The following ATP2B2 variants were observed in gnomAD, a reference collection of about 807,000 sequenced individuals.
The protein encoded by ATP2B2 is ATPase plasma membrane Ca2+ transporting 2.
A neutral mutation model predicts 120.0 loss-of-function variants in ATP2B2; 15 were observed. The observed-to-expected ratio is 0.12, with a 90% confidence interval of 0.08 to 0.19. The LOEUF is 0.19. Ranked by LOEUF, ATP2B2 falls within the 10% of genes least tolerant of loss-of-function variation. ATP2B2 has a pLI of 1.00. For synonymous variants in ATP2B2, 694 were observed against 700.3 expected (o/e 0.99, Z 0.14); for missense variants, 1,045 against 1,719.8 (o/e 0.61, Z 6.94).
At chr3:10,458,812 G>A (rs541512231) in intron 1 of ATP2B2, among the ~76,000 whole-genome samples, 2 of 152,352 alleles carry the variant, frequency 1.3e-5, no homozygotes, top group Non-Finnish European at 2.9e-5. Flanking sequence ...GGCCATATGG[G>A]TAGGACTTGG....
At position 10,343,333 on chromosome 3, in the gene ATP2B2, T is replaced by C. The variant is rs2060335612; in HGVS notation, c.2704-368A>G. On this transcript the variant is annotated intron_variant, in intron 18 of 22. Transcript: ENST00000360273. This position sits in a 1 kb window ranked among gnomAD's most constrained non-coding sequence, Gnocchi z 4.2. Reference sequence around the variant, plus strand: ...CATTCCCACCGCCTCCGGCATGGGCTCCTACCTCCTCCCCCCACTGCCTCC... The same window carrying C: ...CATTCCCACCGCCTCCGGCATGGGCCCCTACCTCCTCCCCCCACTGCCTCC... 6.6e-6 allele frequency among the ~76,000 whole-genome samples: 1 copy of C among 151,162 alleles called. No individual in the cohort carries two copies. Among genetic ancestry groups the C allele is most frequent in the South Asian group, 2.1e-4 (1 of 4,780 alleles).
intron 1 of ATP2B2, among the ~76,000 whole-genome samples, chr3:10,665,428 C>T (rs1178088518): frequency 5.9e-5 from 9 of 152,148 alleles, no homozygotes; most frequent in Admixed American, 5.9e-4. Flanking sequence ...CCTCCCACAG[C>T]TCTGTGCACG....
Position 10,402,936 on chromosome 3 carries a change from CT to C in ATP2B2, c.398-589del, listed in dbSNP as rs1297052406. On this transcript the variant is annotated intron_variant, in intron 3 of 22. Transcript: ENST00000360273. This position sits in a 1 kb window ranked among gnomAD's most constrained non-coding sequence, Gnocchi z 4.9. ...AAAAGAGAGTAAGTGAGGTATTTTT[CT>C]TTTTTTCCAGAACAAAGGCAGCCAA... Among the ~76,000 whole-genome samples the C allele has an allele frequency of 6.6e-6, 1 of 151,178 alleles. No individual in the cohort carries two copies. Among genetic ancestry groups the C allele is most frequent in the Non-Finnish European group, 1.5e-5 (1 of 67,986 alleles).
intron 6 of ATP2B2, among the ~76,000 whole-genome samples, chr3:10,387,511 G>C (rs1016000102): frequency 1.3e-5 from 2 of 152,338 alleles, no homozygotes; most frequent in Non-Finnish European, 2.9e-5. Context: ...AATGTGAAAG[G>C]GGGGCTATCT....
intron 1 of ATP2B2, among the ~76,000 whole-genome samples, chr3:10,499,352 C>G (rs904969184): frequency 1.3e-4 from 20 of 152,318 alleles, no homozygotes; most frequent in African/African-American, 4.6e-4. Context: ...AAGATGGGTG[C>G]TCAGCTAACC....
intron 1 of ATP2B2, among the ~76,000 whole-genome samples, chr3:10,470,786 G>A (rs1391788789): frequency 6.6e-6 from 1 of 152,168 alleles, no homozygotes; most frequent in African/African-American, 2.4e-5. Flanking sequence ...CCCCAAGAGA[G>A]TCAGCAAGCC....
chr3:10,666,788 C>T (rs917767765), intron 1 of ATP2B2, among the ~76,000 whole-genome samples: 4 of 152,188 alleles, frequency 2.6e-5, no homozygotes, highest in African/African-American at 4.8e-5. Flanking sequence ...GGCAGAGAGG[C>T]ACGAAGCCCC....
chr3:10,694,131 C>T (rs1186698454), intron 1 of ATP2B2, among the ~76,000 whole-genome samples: 4 of 152,210 alleles, frequency 2.6e-5, no homozygotes, highest in Non-Finnish European at 5.9e-5. Flanking sequence ...TTACAATCCA[C>T]AGAGCTTCTT....
chr3:10,405,621 A>G (rs2062383921), intron 3 of ATP2B2, among the ~76,000 whole-genome samples: 1 of 152,016 alleles, frequency 6.6e-6, no homozygotes, highest in Non-Finnish European at 1.5e-5. Context: ...GGATCTGGAG[A>G]CAGTGGCCAT....
At chr3:10,373,324 C>T (rs985159445) in intron 11 of ATP2B2, among the ~76,000 whole-genome samples, 1 of 152,232 alleles carries the variant, frequency 6.6e-6, no homozygotes, top group Non-Finnish European at 1.5e-5. Flanking sequence ...TTTGAACCTA[C>T]CTCCGTTTAA....
rs568213996 is a variant in ATP2B2, at chr3:10,649,620, T to A, written c.-459-29659A>T. ...GGAGGGGATGAGATGGATGGGTGAA[T>A]GGACAGATGGGTGGATGGATAGGAT... is the stretch of plus-strand genomic sequence containing the variant. On this transcript the variant is annotated intron_variant, in intron 1 of 21. Transcript: ENST00000646379. Among the ~76,000 whole-genome samples the A allele has an allele frequency of 5.9e-5, 9 of 152,256 alleles. No individual in the cohort carries two copies. The South Asian group carries it at 1.9e-3, about 32-fold the overall frequency.
chr3:10,580,922 A>G lies in ATP2B2; in HGVS notation c.-415+38995T>C, dbSNP rs148340078. ...AAGTTGAATCATTGCGACAGAAGTC[A>G]TCTAACTTGCAAGGCCTGAAATATG... is the stretch of plus-strand genomic sequence containing the variant. On this transcript the variant is annotated intron_variant, in intron 2 of 21. Transcript: ENST00000646379. Among the ~76,000 whole-genome samples the G allele has an allele frequency of 2.3e-3, 356 of 152,366 alleles. 2 individuals carry two copies. The highest frequency in any genetic ancestry group is 3.6e-3 in the Non-Finnish European group (242 of 68,020).
At chr3:10,601,009 C>T (rs867796383) in intron 2 of ATP2B2, among the ~76,000 whole-genome samples, 4 of 152,144 alleles carry the variant, frequency 2.6e-5, no homozygotes, top group South Asian at 4.1e-4. Context: ...TGGACATTCT[C>T]GGAGCCTACA....
At chr3:10,632,675 C>T (rs1010124518) in intron 1 of ATP2B2, among the ~76,000 whole-genome samples, 2 of 152,218 alleles carry the variant, frequency 1.3e-5, no homozygotes, top group African/African-American at 4.8e-5. Flanking sequence ...GTCCTTTCCC[C>T]TACCCTGGGT....
At chr3:10,571,364 C>T (rs1473042070) in intron 2 of ATP2B2, among the ~76,000 whole-genome samples, 1 of 152,234 alleles carries the variant, frequency 6.6e-6, no homozygotes, top group Admixed American at 6.5e-5. Context: ...CTCGTGGCCT[C>T]ACGCCCCATG....
intron 3 of ATP2B2, among the ~76,000 whole-genome samples, chr3:10,525,218 C>A (rs1017279792): frequency 2.0e-5 from 3 of 152,182 alleles, no homozygotes; most frequent in African/African-American, 7.2e-5. Context: ...CCCCTGACAC[C>A]CTCATCCCCT....
chr3:10,420,650 C>T (rs1317342443), intron 2 of ATP2B2, among the ~76,000 whole-genome samples: 1 of 152,254 alleles, frequency 6.6e-6, no homozygotes, highest in Non-Finnish European at 1.5e-5. Flanking sequence ...GTATGAGCCA[C>T]CACGCCCGGC....
intron 2 of ATP2B2, among the ~76,000 whole-genome samples, chr3:10,428,581 A>T (rs1177285242): frequency 6.6e-6 from 1 of 152,208 alleles, no homozygotes; most frequent in Non-Finnish European, 1.5e-5. Context: ...TTGCCTAGCA[A>T]CATCTCCGCA....
At chr3:10,620,673 C>G (rs938201911) in intron 1 of ATP2B2, among the ~76,000 whole-genome samples, 1 of 152,148 alleles carries the variant, frequency 6.6e-6, no homozygotes, top group African/African-American at 2.4e-5. Flanking sequence ...ATCAAAGCAT[C>G]CAGCCAGCCC....
Sources: allele counts gnomAD v4.1 joint callset (sites outside exome capture counted in the v4.1 genomes callset), GRCh38; gene constraint gnomAD v4.1.1; non-coding constraint Gnocchi (gnomAD v3.1); transcripts MANE v1.5; gene names NCBI Gene and HGNC (gene_info 2026-07-23, HGNC 2026-07-21).